Variants in SGPP1 observed in about 807,000 individuals in gnomAD.
SGPP1 encodes the protein hSPP1.
In SGPP1, 21 loss-of-function variants were observed where a neutral mutation model predicts 33.0. The observed-to-expected ratio is 0.64, with a 90% CI of 0.45 to 0.92. The LOEUF (loss-of-function observed/expected upper bound fraction) is 0.92, where lower values mean the gene tolerates loss of function less well. Ranked by LOEUF, SGPP1 falls within the 40% of genes least tolerant of loss-of-function variation. The pLI is 0.00. For synonymous variants in SGPP1, 239 were observed against 241.2 expected, an observed-to-expected ratio of 0.99 and a Z score of 0.08; for missense variants, 543 against 589.4, an observed-to-expected ratio of 0.92 and a Z score of 0.81.
chr14:63,703,458 T>C (rs962177792), intron 1 of SGPP1, among the ~76,000 whole-genome samples: 5 of 151,838 alleles, frequency 3.3e-5, no homozygotes, highest in Non-Finnish European at 7.4e-5. Flanking sequence ...ATCAAAACCA[T>C]CCTGGCCAAC....
chr14:63,717,090 T>A (rs1432120542), intron 1 of SGPP1, among the ~76,000 whole-genome samples: 3 of 152,124 alleles, frequency 2.0e-5, no homozygotes, highest in African/African-American at 7.2e-5. Flanking sequence ...CCAAATGCAA[T>A]TTCTAGATAT....
intron 2 of SGPP1, among the ~76,000 whole-genome samples, chr14:63,694,506 T>C (rs892477667): frequency 6.6e-6 from 1 of 152,162 alleles, no homozygotes; most frequent in African/African-American, 2.4e-5. Flanking sequence ...AAAACTTAGA[T>C]TGCTACGAAA....
At chr14:63,690,313 G>GT (rs1359630593) in intron 2 of SGPP1, among the ~76,000 whole-genome samples, 4 of 152,218 alleles carry the variant, frequency 2.6e-5, no homozygotes, top group Admixed American at 2.6e-4. Flanking sequence ...ACAGTGTTGG[G>GT]ATTACAGCTG....
At chr14:63,708,611 C>T (rs1230315478) in intron 1 of SGPP1, among the ~76,000 whole-genome samples, 1 of 151,896 alleles carries the variant, frequency 6.6e-6, no homozygotes, top group Non-Finnish European at 1.5e-5. Flanking sequence ...TTTTTTAAGC[C>T]AAAATTCAAT....
chr14:63,718,925 T>C (rs1222055150), intron 1 of SGPP1, among the ~76,000 whole-genome samples: 1 of 137,436 alleles, frequency 7.3e-6, no homozygotes, highest in African/African-American at 2.6e-5. Flanking sequence ...ATGTTAAAAT[T>C]ACTTTGTCAT....
At chr14:63,691,091 T>C (rs116722455) in intron 2 of SGPP1, among the ~76,000 whole-genome samples, 1,835 of 152,300 alleles carry the variant, frequency 0.012, 51 homozygotes, top group African/African-American at 0.042. Flanking sequence ...CAATAGTAAG[T>C]AAATAAAGTT....
intron 1 of SGPP1, among the ~76,000 whole-genome samples, chr14:63,719,449 T>C (rs1027477430): frequency 2.6e-5 from 4 of 152,146 alleles, no homozygotes; most frequent in African/African-American, 9.7e-5. Context: ...ACAATCTTTA[T>C]GACAGGCAAT....
At chr14:63,724,726 CG>C (rs1276717080) in intron 1 of SGPP1, among the ~76,000 whole-genome samples, 1 of 143,270 alleles carries the variant, frequency 7.0e-6, no homozygotes, top group East Asian at 2.2e-4. Context: ...GGCCGATGAG[CG>C]GGGGGCGGCT....
At chr14:63,701,142 C>A (rs1322020604) in intron 1 of SGPP1, among the ~76,000 whole-genome samples, 2 of 152,020 alleles carry the variant, frequency 1.3e-5, no homozygotes, top group Non-Finnish European at 2.9e-5. Context: ...CCACATCCAG[C>A]TGATTTTTTA....
intron 1 of SGPP1, among the ~76,000 whole-genome samples, chr14:63,726,804 G>C (rs573610683): frequency 3.3e-5 from 5 of 152,296 alleles, no homozygotes; most frequent in Admixed American, 3.3e-4. Flanking sequence ...CTAACGTTTT[G>C]TAAACACTGT....
At chr14:63,714,884 C>G (rs569658785) in intron 1 of SGPP1, among the ~76,000 whole-genome samples, 74 of 151,884 alleles carry the variant, frequency 4.9e-4, no homozygotes, top group African/African-American at 1.7e-3. Flanking sequence ...CACACCACCA[C>G]GCCTGGCTAA....
At chr14:63,699,608 C>A (rs1389856103) in intron 1 of SGPP1, among the ~76,000 whole-genome samples, 3 of 151,996 alleles carry the variant, frequency 2.0e-5, no homozygotes, top group African/African-American at 7.2e-5. Context: ...CTATGTTGCT[C>A]AGGCTGAAGT....
intron 1 of SGPP1, among the ~76,000 whole-genome samples, chr14:63,723,870 G>A (rs1298032875): frequency 1.3e-5 from 2 of 151,980 alleles, no homozygotes; most frequent in Non-Finnish European, 2.9e-5. Context: ...AAACAACCCC[G>A]AGTTTGTACG....
intron 1 of SGPP1, among the ~76,000 whole-genome samples, chr14:63,702,444 T>G (rs1885318284): frequency 6.6e-6 from 1 of 152,190 alleles, no homozygotes; most frequent in Non-Finnish European, 1.5e-5. Context: ...TGGTGGCTCA[T>G]GCCTGTAATC....
chr14:63,702,950 T>C (rs974917313), intron 1 of SGPP1, among the ~76,000 whole-genome samples: 2 of 152,096 alleles, frequency 1.3e-5, no homozygotes, highest in African/African-American at 4.8e-5. Context: ...TTATCATAGA[T>C]ACATATGTAC....
chr14:63,687,798 G>C (rs190942105), intron 2 of SGPP1, among the ~76,000 whole-genome samples: 1 of 152,240 alleles, frequency 6.6e-6, no homozygotes, highest in Non-Finnish European at 1.5e-5. Flanking sequence ...GACCAGGCTG[G>C]GCAACACAGG....
At chr14:63,723,413 C>T (rs1885816066) in intron 1 of SGPP1, among the ~76,000 whole-genome samples, 1 of 152,124 alleles carries the variant, frequency 6.6e-6, no homozygotes, top group Admixed American at 6.6e-5. Context: ...TCTCCTTTGT[C>T]TTATAACGTA....
At chr14:63,702,476 G>A (rs1039069247) in intron 1 of SGPP1, among the ~76,000 whole-genome samples, 4 of 152,004 alleles carry the variant, frequency 2.6e-5, no homozygotes, top group African/African-American at 4.8e-5. Context: ...TTGGAAGGTC[G>A]AGGCAGGCTG....
At chr14:63,702,666 C>A (rs1005575457) in intron 1 of SGPP1, among the ~76,000 whole-genome samples, 1 of 151,954 alleles carries the variant, frequency 6.6e-6, no homozygotes, top group African/African-American at 2.4e-5. Context: ...GCCGAGATTG[C>A]GCCACTGCAC....
Sources: gnomAD v4.1 joint callset for allele counts (sites outside exome capture counted in the v4.1 genomes callset) on GRCh38, gnomAD v4.1.1 for gene constraint, MANE v1.5 for transcripts, NCBI Gene and HGNC (gene_info 2026-07-23, HGNC 2026-07-21) for gene names.